Variants in ENDOV observed in about 807,000 individuals in gnomAD.
ENDOV encodes the protein endonuclease V.
A neutral mutation model predicts 39.4 loss-of-function variants in ENDOV; 37 were observed. The observed-to-expected ratio is 0.94, with a 90% confidence interval of 0.72 to 1.23. ENDOV has a LOEUF of 1.23. ENDOV is among the 50% of genes most tolerant of loss of function. ENDOV has a pLI of 0.00. For synonymous variants in ENDOV, 186 were observed against 163.4 expected (o/e 1.14, Z -1.05); for missense variants, 441 against 375.7 (o/e 1.17, Z -1.44).
At chr17:80,417,924 G>C (rs1034780577) in intron 2 of ENDOV, 2 of 152,238 alleles carry the variant, frequency 1.3e-5, no homozygotes, top group Non-Finnish European at 2.9e-5. Flanking sequence ...CACTCGCATT[G>C]CTCCTCTGCT....
chr17:80,436,365 A>G lies in ENDOV; in HGVS notation c.*222A>G. On this transcript the variant is annotated 3_prime_UTR_variant, in exon 10 of 10. Coordinates refer to ENST00000518137, the MANE Select transcript of ENDOV (RefSeq NM_173627.5). The stretch of plus-strand genomic sequence containing the variant: ...TTGTCTTGTTCCTGATCTTAAGGGA[A>G]CGTTTGCAGTCTTTCACCACTAGAT... 1 of 1,489,944 alleles carries G rather than the reference A, an allele frequency of 6.7e-7. No homozygotes were observed. The highest frequency in any genetic ancestry group is 1.2e-5 in the South Asian group (1 of 80,174). The allele number at this position is 1,489,944 out of a possible 1,614,324, so 92.3% of individuals were successfully genotyped here.
At chr17:80,423,721 C>T in intron 5 of ENDOV, 89 bp downstream of exon 5, 1 of 1,259,286 alleles carries the variant, frequency 7.9e-7, no homozygotes, top group Non-Finnish European at 1.1e-6. Flanking sequence ...TGGACCAGCC[C>T]TTGCCTGCTG....
Position 80,415,778 on chromosome 17 carries a change from G to T in ENDOV, c.185G>T (p.Arg62Leu), listed in dbSNP as rs2081039475. 1.9e-5 allele frequency: 30 copies of T among 1,604,164 alleles called. No individual in the cohort carries two copies. Among genetic ancestry groups the T allele is most frequent in the Non-Finnish European group, 2.6e-5 (30 of 1,175,464 alleles). The change falls in exon 2 of 10, where the codon CGC becomes CTC. Residue 62 changes from arginine (R) to leucine (L), a missense_variant. Physicochemically the swap from Arg to Leu is moderately radical, Grantham distance 102. Coordinates refer to ENST00000518137, the MANE Select transcript of ENDOV (RefSeq NM_173627.5). Reference protein sequence around the residue: ...DVSFVKGDSVRACASLVVLSF... With the variant: ...DVSFVKGDSVLACASLVVLSF... ...TCCTTCGTGAAAGGGGACAGTGTCC[G>T]CGCTTGTGCTTCCCTGGTGGTGCTC...
chr17:80,419,170 C>CAAA (rs67490024), intron 2 of ENDOV, among the ~76,000 whole-genome samples: 7 of 103,546 alleles, frequency 6.8e-5, no homozygotes, highest in Admixed American at 1.0e-4. Context: ...AGGACTCTGT[C>CAAA]AAAAAAAAAA....
chr17:80,421,338 C>T (rs2081996863), intron 2 of ENDOV, among the ~76,000 whole-genome samples: 1 of 150,392 alleles, frequency 6.6e-6, no homozygotes, highest in South Asian at 2.1e-4. Context: ...TCCTATGGAC[C>T]AGGTCCTGGG....
intron 6 of ENDOV, 115 bp downstream of exon 6, chr17:80,425,215 G>A (rs771135663): frequency 3.2e-5 from 30 of 939,454 alleles, no homozygotes; most frequent in Middle Eastern, 3.2e-4. Context: ...TCAACCCCCC[G>A]CCTGCCCGTC....
At chr17:80,416,823 C>T (rs2081276112) in intron 2 of ENDOV, 2 of 151,896 alleles carry the variant, frequency 1.3e-5, no homozygotes, top group African/African-American at 4.9e-5. Flanking sequence ...AATCTTGGCT[C>T]ACTGTCAAGA....
chr17:80,422,222 G>C lies in ENDOV; in HGVS notation c.380G>C (p.Gly127Ala). The change falls in exon 4 of 10, where the codon GGA becomes GCA. Residue 127 changes from glycine (G) to alanine (A), a missense_variant. Gly to Ala is a moderately conservative substitution (Grantham distance 60, BLOSUM62 0). Transcript: ENST00000518137. ...GCTCCATAGGTCCTTCTTGTGGATG[G>C]AAACGGGGTACTCCACCACCGAGGT... is the stretch of plus-strand genomic sequence containing the variant. ...GLMPQVLLVD[G>A]NGVLHHRGFG... 1 of 1,613,730 alleles carries C rather than the reference G, an allele frequency of 6.2e-7. No individual in the cohort carries two copies. The highest frequency in any genetic ancestry group is 1.7e-5 in the Admixed American group (1 of 60,014).
intron 6 of ENDOV, 22 bp from the exon 7 acceptor site, chr17:80,425,470 G>A: frequency 1.3e-6 from 2 of 1,586,394 alleles, no homozygotes; most frequent in Non-Finnish European, 1.7e-6. Context: ...CCACAGGACA[G>A]CCCTCGCCTT....
At position 80,423,598 on chromosome 17, in the gene ENDOV, A is replaced by T; in HGVS notation, c.482A>T (p.Asp161Val). 3 of 1,553,552 alleles carry T rather than the reference A, an allele frequency of 1.9e-6. No homozygotes were observed. Among genetic ancestry groups the T allele is most frequent in the East Asian group, 2.4e-5 (1 of 41,198 alleles). ...GTGGCCAAGAAACTTCTGCAGGTGG[A>T]TGGGCTGGAGAACAACGCCCTGCAC... ...VGVAKKLLQV[D>V]GLENNALHKE... is the part of the protein sequence containing the mutation. The change falls in exon 5 of 10, where the codon GAT (aspartate) becomes GTT (valine). Residue 161 changes from aspartate to valine, a missense_variant. Asp to Val is a radical substitution (Grantham distance 152, BLOSUM62 -3). Transcript: ENST00000518137.
chr17:80,421,144 C>T (rs932313844), intron 2 of ENDOV, among the ~76,000 whole-genome samples: 2 of 150,858 alleles, frequency 1.3e-5, no homozygotes, highest in African/African-American at 2.4e-5. Flanking sequence ...GGGGCTCCCG[C>T]GGACCTGATC....
Position 80,436,446 on chromosome 17 carries a change from C to A in ENDOV, c.*303C>A. ...CTCTTCATCCAGCTGAAGACGGTCC[C>A]TTCTAGTCCTAATTTGTTAAGTGTT... On this transcript the variant is annotated 3_prime_UTR_variant, in exon 10 of 10. Transcript: ENST00000518137. 1 of 1,125,424 alleles carries A rather than the reference C, an allele frequency of 8.9e-7. No individual in the cohort carries two copies. The highest frequency in any genetic ancestry group is 1.2e-6 in the Non-Finnish European group (1 of 853,958). 69.7% of individuals were successfully genotyped at this position (1,125,424 alleles called of 1,614,324 possible). A position where few individuals can be genotyped will look rare whatever the true frequency, so the allele number is the denominator to read the frequency against.
At chr17:80,429,247 C>T (rs1401300725) in intron 8 of ENDOV, among the ~76,000 whole-genome samples, 1 of 152,164 alleles carries the variant, frequency 6.6e-6, no homozygotes, top group Non-Finnish European at 1.5e-5. Flanking sequence ...GTACTGTGAC[C>T]CCACTTTACA....
At chr17:80,434,185 T>C (rs2083478245) in intron 9 of ENDOV, among the ~76,000 whole-genome samples, 1 of 152,102 alleles carries the variant, frequency 6.6e-6, no homozygotes, top group Non-Finnish European at 1.5e-5. Context: ...GTGGGCGCCA[T>C]GCAGGCGTGG....
intron 9 of ENDOV, chr17:80,433,281 G>C (rs1321666865): frequency 1.9e-6 from 1 of 514,100 alleles, no homozygotes; most frequent in African/African-American, 1.9e-5. Flanking sequence ...TCCACCAGGT[G>C]AAGTGTGTAA....
At chr17:80,419,630 T>G (rs973896402) in intron 2 of ENDOV, 23 of 702,824 alleles carry the variant, frequency 3.3e-5, no homozygotes, top group Non-Finnish European at 5.7e-5. Context: ...CCCTGCCTTC[T>G]GCTTGTCAGC....
rs887554622 is a variant in ENDOV at position 80,415,782 on chromosome 17, T to A, written c.189T>A (p.Ala63=). 13 of 1,603,728 alleles carry A rather than the reference T, an allele frequency of 8.1e-6. No homozygotes were observed. The highest frequency in any genetic ancestry group is 8.5e-6 in the Non-Finnish European group (10 of 1,175,334). The change falls in exon 2 of 10, where the codon GCT becomes GCA. Residue 63 remains alanine, a synonymous_variant. Transcript: ENST00000518137. ...TCGTGAAAGGGGACAGTGTCCGCGC[T>A]TGTGCTTCCCTGGTGGTGCTCAGCT... ...VSFVKGDSVR[A]CASLVVLSFP... is the part of the protein sequence containing the mutation.
intron 2 of ENDOV, chr17:80,418,264 A>G (rs183849078): frequency 2.4e-4 from 36 of 152,354 alleles, no homozygotes; most frequent in African/African-American, 8.7e-4. Context: ...TGAGCAGTAC[A>G]TGAAATGCAT....
chr17:80,423,528 G>A lies in ENDOV; in HGVS notation c.412G>A (p.Val138Met). 1 of 1,551,588 alleles carries A rather than the reference G, an allele frequency of 6.4e-7. No individual in the cohort carries two copies. The highest frequency in any genetic ancestry group is 8.7e-7 in the Non-Finnish European group (1 of 1,147,332). The change falls in exon 5 of 10, where the codon GTG becomes ATG. Residue 138 changes from valine (V) to methionine (M), a missense_variant. Transcript: ENST00000518137. ...TCCTTTCTCTCTGGCAGGCTTTGGG[G>A]TGGCCTGCCACCTTGGCGTCCTTAC... Reference protein sequence around the residue: ...NGVLHHRGFGVACHLGVLTDL... With the variant: ...NGVLHHRGFGMACHLGVLTDL...
Sources: gnomAD v4.1 joint callset for allele counts (sites outside exome capture counted in the v4.1 genomes callset) on GRCh38, gnomAD v4.1.1 for gene constraint, MANE v1.5 for transcripts, NCBI Gene and HGNC (gene_info 2026-07-23, HGNC 2026-07-21) for gene names.